The following CDH12 variants were observed in gnomAD, a reference collection of about 807,000 sequenced individuals.
The protein encoded by CDH12 is cadherin-12.
CDH12 carries 41 observed loss-of-function variants against 74.1 expected under a neutral mutation model. That is an observed-to-expected ratio of 0.55 (90% CI 0.43 to 0.72). The LOEUF (loss-of-function observed/expected upper bound fraction) is 0.72, where lower values mean the gene tolerates loss of function less well. Among genes scored for constraint, CDH12 ranks in the 30% least tolerant of loss-of-function variants. The pLI, the probability that CDH12 is intolerant of heterozygous loss-of-function variation, is 0.00. For synonymous variants in CDH12, 399 were observed against 355.0 expected (o/e 1.12, Z -1.39); for missense variants, 945 against 977.2 (o/e 0.97, Z 0.44).
At chr5:22,538,597 A>G (rs376797813) in intron 1 of CDH12, among the ~76,000 whole-genome samples, 2 of 152,240 alleles carry the variant, frequency 1.3e-5, no homozygotes, top group East Asian at 1.9e-4. Context: ...GGCTGGCAAG[A>G]GGCAAAAATC....
intron 6 of CDH12, among the ~76,000 whole-genome samples, chr5:21,915,042 C>T (rs775756994): frequency 1.5e-4 from 23 of 152,148 alleles, no homozygotes; most frequent in South Asian, 4.1e-4. Context: ...TGAACCAAGG[C>T]AGAAACCTAG....
chr5:22,164,268 A>T (rs1340993942), intron 4 of CDH12, among the ~76,000 whole-genome samples: 3 of 152,200 alleles, frequency 2.0e-5, no homozygotes, highest in Non-Finnish European at 2.9e-5. Flanking sequence ...AGTGAGTGTT[A>T]TAGCTCTATT....
chr5:22,241,433 T>C (rs975137270), intron 3 of CDH12, among the ~76,000 whole-genome samples: 5 of 152,102 alleles, frequency 3.3e-5, no homozygotes, highest in African/African-American at 4.8e-5. Context: ...GAAGATATGG[T>C]GTCAATCAAA....
At chr5:22,664,590 CTA>C (rs1309223878) in intron 1 of CDH12, among the ~76,000 whole-genome samples, 1 of 152,150 alleles carries the variant, frequency 6.6e-6, no homozygotes, top group African/African-American at 2.4e-5. Flanking sequence ...CAAAGCCTAA[CTA>C]TATCAAATGT....
chr5:22,278,296 T>C (rs1736728349), intron 3 of CDH12, among the ~76,000 whole-genome samples: 1 of 152,206 alleles, frequency 6.6e-6, no homozygotes, highest in African/African-American at 2.4e-5. Context: ...GTTTGTTGAT[T>C]TTGCCAACAT....
At chr5:22,105,085 T>C (rs1402685243) in intron 4 of CDH12, among the ~76,000 whole-genome samples, 1 of 151,802 alleles carries the variant, frequency 6.6e-6, no homozygotes, top group Non-Finnish European at 1.5e-5. Context: ...TGTTTCCAAA[T>C]TTCTGCTTTT....
At chr5:22,369,366 AAT>A (rs1374885341) in intron 3 of CDH12, among the ~76,000 whole-genome samples, 1 of 152,132 alleles carries the variant, frequency 6.6e-6, no homozygotes, top group Non-Finnish European at 1.5e-5. Context: ...TCAGAAAAAA[AAT>A]AGACTTTCTT....
chr5:22,592,655 A>T (rs1736394214), intron 1 of CDH12, among the ~76,000 whole-genome samples: 1 of 151,730 alleles, frequency 6.6e-6, no homozygotes, highest in Admixed American at 6.6e-5. Flanking sequence ...TTATTGCTTC[A>T]TTTTTAAACA....
At chr5:22,065,617 G>A (rs1382305361) in intron 5 of CDH12, among the ~76,000 whole-genome samples, 1 of 152,020 alleles carries the variant, frequency 6.6e-6, no homozygotes, top group Non-Finnish European at 1.5e-5. Flanking sequence ...ACACTGGGAG[G>A]GTCTAGAGGA....
intron 1 of CDH12, among the ~76,000 whole-genome samples, chr5:22,634,621 T>C (rs983158227): frequency 2.6e-5 from 4 of 152,016 alleles, no homozygotes; most frequent in Non-Finnish European, 5.9e-5. Context: ...AAAGGAAAAA[T>C]ATACAATTCA....
intron 5 of CDH12, among the ~76,000 whole-genome samples, chr5:22,009,675 T>C (rs1279664236): frequency 6.6e-6 from 1 of 151,714 alleles, no homozygotes; most frequent in Non-Finnish European, 1.5e-5. Flanking sequence ...TGTTATGTAT[T>C]CTAGAAGAAA....
intron 10 of CDH12, among the ~76,000 whole-genome samples, chr5:21,798,070 A>C (rs1400658740): frequency 6.6e-6 from 1 of 152,048 alleles, no homozygotes; most frequent in Non-Finnish European, 1.5e-5. Context: ...ATAACTGTTC[A>C]CATTTAAAAA....
At chr5:21,955,683 A>G (rs1246551552) in intron 6 of CDH12, among the ~76,000 whole-genome samples, 2 of 152,048 alleles carry the variant, frequency 1.3e-5, no homozygotes, top group Non-Finnish European at 2.9e-5. Context: ...CTTCTTAAGG[A>G]GCCCTCCCCT....
At chr5:21,888,502 AATGGGTGCAGCACACCAAC>A (rs1390137995) in intron 6 of CDH12, among the ~76,000 whole-genome samples, 2 of 152,134 alleles carry the variant, frequency 1.3e-5, no homozygotes, top group Non-Finnish European at 2.9e-5. Context: ...ATGACGAGTT[AATGGGTGCAGCACACCAAC>A]ATGGTACATG....
At chr5:22,500,406 T>C (rs1747283478) in intron 2 of CDH12, among the ~76,000 whole-genome samples, 1 of 152,212 alleles carries the variant, frequency 6.6e-6, no homozygotes, top group Non-Finnish European at 1.5e-5. Flanking sequence ...TTGTTATGGA[T>C]TGGATATTTG....
In CDH12 at chr5:22,268,920, T is replaced by C. The variant is rs1736257365; in HGVS notation, c.-332-56277A>G. Reference sequence around the variant, plus strand: ...TCTATGAGGAGTGAGTAAATGCACATAAATGTGTATTAGAAAGATTGGTTA... The same window carrying C: ...TCTATGAGGAGTGAGTAAATGCACACAAATGTGTATTAGAAAGATTGGTTA... On this transcript the variant is annotated intron_variant, in intron 3 of 14. Coordinates refer to ENST00000382254, the MANE Select transcript of CDH12 (RefSeq NM_004061.5). Among the ~76,000 whole-genome samples the C allele has an allele frequency of 2.0e-5, 3 of 152,178 alleles. No homozygotes were observed. The South Asian group carries it at 6.2e-4, about 32-fold the overall frequency.
intron 6 of CDH12, among the ~76,000 whole-genome samples, chr5:21,885,791 A>G (rs1460356329): frequency 2.0e-5 from 3 of 152,116 alleles, no homozygotes; most frequent in Non-Finnish European, 4.4e-5. Flanking sequence ...ACTCACTGAT[A>G]TCAGTATATT....
chr5:22,493,757 A>C (rs960768359), intron 2 of CDH12, among the ~76,000 whole-genome samples: 2 of 152,326 alleles, frequency 1.3e-5, no homozygotes, highest in South Asian at 2.1e-4. Context: ...GAAGGACAGA[A>C]TACACTGAAC....
chr5:21,857,966 G>GCAGAGA (rs1401386233), intron 6 of CDH12, among the ~76,000 whole-genome samples: 1 of 151,454 alleles, frequency 6.6e-6, no homozygotes. Flanking sequence ...AGGGAGAGAG[G>GCAGAGA]CAGAGACAGA....
Sources: allele counts gnomAD v4.1 joint callset (sites outside exome capture counted in the v4.1 genomes callset), GRCh38; gene constraint gnomAD v4.1.1; transcripts MANE v1.5; gene names NCBI Gene and HGNC (gene_info 2026-07-23, HGNC 2026-07-21).